IQANK1: variants seen among roughly 807,000 people sequenced by gnomAD.
IQANK1 encodes the protein IQ motif and ankyrin repeat domain-containing protein 1.
IQANK1 carries 30 observed loss-of-function variants against 22.6 expected under a neutral mutation model. The ratio of observed to expected loss-of-function variants is 1.33; its 90% CI spans 0.99 to 1.80. The LOEUF is 1.80. IQANK1 is among the 40% of genes most tolerant of loss of function. IQANK1 has a pLI of 0.00. For synonymous variants in IQANK1, 122 were observed against 99.6 expected (o/e 1.23, Z -1.34); for missense variants, 275 against 235.2 (o/e 1.17, Z -1.11).
chr8:143,777,985 A>G (rs1263889900), intron 7 of IQANK1, among the ~76,000 whole-genome samples: 3 of 152,058 alleles, frequency 2.0e-5, no homozygotes, highest in African/African-American at 4.8e-5. Context: ...ACGAGGTCAG[A>G]AGATCGAGAC....
At position 143,771,330 on chromosome 8, in the gene IQANK1, C is replaced by T. The variant is rs1405371652; in HGVS notation, c.176-158C>T. Among the ~76,000 whole-genome samples the T allele has an allele frequency of 2.2e-5, 3 of 137,718 alleles. No individual in the cohort carries two copies. Among genetic ancestry groups the T allele is most frequent in the African/African-American group, 8.2e-5 (3 of 36,450 alleles). 90.3% of individuals were successfully genotyped at this position (137,718 alleles called of 152,430 possible). On this transcript the variant is annotated intron_variant, in intron 3 of 13. Transcript: ENST00000527139. The surrounding 1 kb of genome is among the most constrained non-coding windows in gnomAD (Gnocchi z 6.0). Reference sequence around the variant, plus strand: ...GCGCAGCCTCCTCGTGCGGCCTCTGCGGGCGGGAACCCCGGCTCGGCCGCG... The same window carrying T: ...GCGCAGCCTCCTCGTGCGGCCTCTGTGGGCGGGAACCCCGGCTCGGCCGCG...
At chr8:143,739,778 C>T (rs1340302140) in intron 2 of IQANK1, 81 bp from the exon 3 acceptor site, 1 of 604,924 alleles carries the variant, frequency 1.7e-6, no homozygotes, top group Non-Finnish European at 3.0e-6. Flanking sequence ...ACGGCCCTTT[C>T]GGTGCCCCAT....
intron 7 of IQANK1, among the ~76,000 whole-genome samples, chr8:143,778,721 T>G (rs1278598427): frequency 6.6e-6 from 1 of 152,218 alleles, no homozygotes; most frequent in Non-Finnish European, 1.5e-5. Flanking sequence ...CGCCCCAGTA[T>G]TGGTTTGCGC....
At position 143,789,999 on chromosome 8, in the gene IQANK1, C is replaced by T. The variant is rs151134251; in HGVS notation, c.1224C>T (p.Cys408=). ...AGGAAGAGGCGCCTGGGCTGAAGTGCCAGGTCACCGAGCTGCACGATGTGC... is the reference window on the plus strand; with the variant it reads ...AGGAAGAGGCGCCTGGGCTGAAGTGTCAGGTCACCGAGCTGCACGATGTGC... ...EGEEEAPGLK[C]QVTELHDVLM... The change falls in exon 12 of 14, where the codon TGC becomes TGT. Residue 408 remains cysteine (C), a synonymous_variant. Coordinates refer to ENST00000527139, the MANE Select transcript of IQANK1 (RefSeq NM_001381874.1). 5 of 1,232,074 alleles carry T rather than the reference C, an allele frequency of 4.1e-6. No homozygotes were observed. The East Asian group carries it at 1.6e-4, about 39-fold the overall frequency. 76.3% of individuals were successfully genotyped at this position (1,232,074 alleles called of 1,614,324 possible).
intron 3 of IQANK1, among the ~76,000 whole-genome samples, chr8:143,753,002 T>G (rs1464517742): frequency 1.7e-3 from 229 of 134,554 alleles, no homozygotes; most frequent in African/African-American, 6.2e-3. Context: ...GTTCGTTTTT[T>G]TTTTTTTTTT....
chr8:143,763,793 C>T (rs114237411), intron 3 of IQANK1, among the ~76,000 whole-genome samples: 288 of 152,322 alleles, frequency 1.9e-3, no homozygotes, highest in African/African-American at 6.7e-3. Flanking sequence ...CTCAGGTGTT[C>T]CTCTGTGGCA....
chr8:143,787,832 AC>A (rs1819922909), intron 7 of IQANK1, among the ~76,000 whole-genome samples: 2 of 150,902 alleles, frequency 1.3e-5, no homozygotes, highest in South Asian at 4.2e-4. Flanking sequence ...TCACCCGCGC[AC>A]CCCTAACGCA....
chr8:143,780,660 CT>C (rs1298681639), intron 7 of IQANK1, among the ~76,000 whole-genome samples: 5 of 152,266 alleles, frequency 3.3e-5, no homozygotes, highest in East Asian at 3.9e-4. Flanking sequence ...TGATCTCATT[CT>C]TTTTTTATGG....
At chr8:143,750,966 G>GTGTGT (rs1554627959) in intron 3 of IQANK1, among the ~76,000 whole-genome samples, 9 of 150,692 alleles carry the variant, frequency 6.0e-5, no homozygotes, top group African/African-American at 2.0e-4. Context: ...GTGTGTGTGT[G>GTGTGT]TTTTTTTGTA....
intron 3 of IQANK1, among the ~76,000 whole-genome samples, chr8:143,752,539 T>G (rs1819214967): frequency 6.6e-6 from 1 of 152,232 alleles, no homozygotes; most frequent in Non-Finnish European, 1.5e-5. Context: ...CAGCCATTAT[T>G]TCTTCAAACA....
chr8:143,740,162 C>G (rs1554626286), intron 3 of IQANK1, among the ~76,000 whole-genome samples: 4 of 152,116 alleles, frequency 2.6e-5, no homozygotes, highest in South Asian at 4.1e-4. Flanking sequence ...CCGCGCCCCG[C>G]TCTCGCCCAC....
chr8:143,788,693 G>A (rs1478253503), intron 7 of IQANK1, among the ~76,000 whole-genome samples: 1 of 152,214 alleles, frequency 6.6e-6, no homozygotes. Flanking sequence ...ACTTGGTCAG[G>A]GAGCCCAGGA....
chr8:143,789,786 T>G lies in IQANK1; in HGVS notation c.1112T>G (p.Val371Gly). ...LQAIKDTEAQ[V>G]DRLRQEAQKA... Reference sequence around the variant, plus strand: ...GCCATCAAGGACACAGAGGCCCAGGTGGACAGGCTGCGGCAGGAGGCCCAG... The same window carrying G: ...GCCATCAAGGACACAGAGGCCCAGGGGGACAGGCTGCGGCAGGAGGCCCAG... Residue 371 changes from valine to glycine, a missense_variant, in exon 11 of 14, where the codon GTG becomes GGG. Physicochemically the swap from Val to Gly is moderately radical, Grantham distance 109. Transcript: ENST00000527139. The G allele has an allele frequency of 8.1e-7, 1 of 1,232,072 alleles. No individual in the cohort carries two copies. The highest frequency in any genetic ancestry group is 1.0e-6 in the Non-Finnish European group (1 of 988,096). The allele number at this position is 1,232,072 out of a possible 1,614,324, so 76.3% of individuals were successfully genotyped here. A position where few individuals can be genotyped will look rare whatever the true frequency, so the allele number is the denominator to read the frequency against.
At position 143,790,125 on chromosome 8, in the gene IQANK1, G is replaced by A; in HGVS notation, c.1290-12G>A. 1.6e-6 allele frequency: 2 copies of A among 1,232,080 alleles called. No individual in the cohort carries two copies. Among genetic ancestry groups the A allele is most frequent in the Non-Finnish European group, 2.0e-6 (2 of 987,988 alleles). The allele number at this position is 1,232,080 out of a possible 1,614,324, so 76.3% of individuals were successfully genotyped here. ...TTTGGACAGACAGCAGTGACCTGAT[G>A]GGTGTCCCCAGGTGGCCTCTTGTTA... On this transcript the variant is annotated splice_polypyrimidine_tract_variant and intron_variant, in intron 12 of 13. Coordinates refer to ENST00000527139, the MANE Select transcript of IQANK1 (RefSeq NM_001381874.1).
intron 3 of IQANK1, among the ~76,000 whole-genome samples, chr8:143,748,781 TC>T (rs1554627587): frequency 2.0e-4 from 23 of 113,626 alleles, no homozygotes; most frequent in South Asian, 1.8e-3. Flanking sequence ...TATAAATATA[TC>T]ATATATAAAT....
At chr8:143,739,351 T>A (rs1209295728) in intron 2 of IQANK1, 1 of 152,608 alleles carries the variant, frequency 6.6e-6, no homozygotes, top group East Asian at 1.9e-4. Flanking sequence ...CCGGACTGGT[T>A]TGCCTGGCGC....
In IQANK1 at chr8:143,771,382, C is replaced by G. The variant is rs1819568465; in HGVS notation, c.176-106C>G. 7.7e-6 allele frequency: 3 copies of G among 388,216 alleles called. No homozygotes were observed. Among genetic ancestry groups the G allele is most frequent in the Non-Finnish European group, 4.5e-6 (1 of 221,050 alleles). The allele number at this position is 388,216 out of a possible 1,614,324, so 24.0% of individuals were successfully genotyped here. Reference sequence around the variant, plus strand: ...TGGGGGCTTTGAGAGCCGTTTGGGTCCTTCTGTCGGGGCGGGGGCGGGGGC... The same window carrying G: ...TGGGGGCTTTGAGAGCCGTTTGGGTGCTTCTGTCGGGGCGGGGGCGGGGGC... On this transcript the variant is annotated intron_variant, in intron 3 of 13. Coordinates refer to ENST00000527139, the MANE Select transcript of IQANK1 (RefSeq NM_001381874.1). This position sits in a 1 kb window ranked among gnomAD's most constrained non-coding sequence, Gnocchi z 6.0.
chr8:143,790,635 G>A lies in IQANK1; in HGVS notation c.*27G>A. 2.5e-6 allele frequency: 1 copy of A among 398,632 alleles called. No homozygotes were observed. Among genetic ancestry groups the A allele is most frequent in the East Asian group, 3.6e-5 (1 of 28,068 alleles). The allele number at this position is 398,632 out of a possible 1,614,324, so 24.7% of individuals were successfully genotyped here. On this transcript the variant is annotated 3_prime_UTR_variant, in exon 14 of 14. Transcript: ENST00000527139. ...GCTGGCCCCAGTCCCAATAAAACGTGTGCCCCGGGGCGCGGTGCTGCATCT... is the reference window on the plus strand; with the variant it reads ...GCTGGCCCCAGTCCCAATAAAACGTATGCCCCGGGGCGCGGTGCTGCATCT...
At position 143,739,857 on chromosome 8, in the gene IQANK1, A is replaced by C. The variant is rs1283420077; in HGVS notation, c.86-2A>C. ...AGCTCACTGACGGTCGTTTTCCCTT[A>C]GGGAAGCCCGGGGAGAACCGCCCGC... On this transcript the variant is annotated splice_acceptor_variant, in intron 2 of 13. Coordinates refer to ENST00000527139, the MANE Select transcript of IQANK1 (RefSeq NM_001381874.1). LOFTEE classifies it high-confidence loss of function. The C allele has an allele frequency of 2.9e-6, 2 of 693,350 alleles. No homozygotes were observed. The highest frequency in any genetic ancestry group is 3.5e-5 in the African/African-American group (2 of 56,738). 42.9% of individuals were successfully genotyped at this position (693,350 alleles called of 1,614,324 possible).
Sources: allele counts gnomAD v4.1 joint callset (sites outside exome capture counted in the v4.1 genomes callset), GRCh38; gene constraint gnomAD v4.1.1; non-coding constraint Gnocchi (gnomAD v3.1); transcripts MANE v1.5; gene names NCBI Gene and HGNC (gene_info 2026-07-23, HGNC 2026-07-21).